Variants in EDIL3 observed in about 807,000 individuals in gnomAD.
EDIL3 encodes the protein EGF like and discoidin domains 3, also known as EGF-like repeat and discoidin I-like domain-containing protein 3.
A neutral mutation model predicts 67.4 loss-of-function variants in EDIL3; 37 were observed. The ratio of observed to expected loss-of-function variants is 0.55; its 90% CI spans 0.42 to 0.72. The LOEUF is 0.72. Ranked by LOEUF, EDIL3 falls within the 30% of genes least tolerant of loss-of-function variation. The probability of loss-of-function intolerance (pLI) is 0.00; values close to 1 mark genes in which losing one functional copy is unlikely to be tolerated. For missense variants in EDIL3, 527 were observed against 586.3 expected (o/e 0.90, Z 1.04); for synonymous variants, 195 against 196.3 (o/e 0.99, Z 0.05).
At chr5:84,324,775 A>G (rs1382300367) in intron 1 of EDIL3, among the ~76,000 whole-genome samples, 2 of 151,810 alleles carry the variant, frequency 1.3e-5, no homozygotes, top group African/African-American at 4.8e-5. Flanking sequence ...ACTATAGTTA[A>G]GAATTCTACA....
At chr5:84,177,723 G>A (rs368190908) in intron 4 of EDIL3, among the ~76,000 whole-genome samples, 5 of 152,056 alleles carry the variant, frequency 3.3e-5, no homozygotes, top group African/African-American at 4.8e-5. Context: ...ACCTAAAACT[G>A]CTGTAAAAAT....
At chr5:83,943,618 A>C (rs1417226723) in intron 10 of EDIL3, 50 bp from the exon 11 acceptor site, 2 of 1,589,418 alleles carry the variant, frequency 1.3e-6, no homozygotes, top group Non-Finnish European at 1.7e-6. Flanking sequence ...TCTTTCTTTG[A>C]AATTATTTTT....
intron 1 of EDIL3, among the ~76,000 whole-genome samples, chr5:84,305,077 A>C (rs1580067070): frequency 6.6e-6 from 1 of 152,348 alleles, no homozygotes; most frequent in South Asian, 2.1e-4. Flanking sequence ...AACTAACAGA[A>C]TAAAATCAAC....
intron 9 of EDIL3, among the ~76,000 whole-genome samples, chr5:83,993,973 C>G (rs993465303): frequency 1.3e-5 from 2 of 152,156 alleles, no homozygotes; most frequent in Non-Finnish European, 1.5e-5. Context: ...CCTTCTTATC[C>G]TGCTTCATTT....
intron 2 of EDIL3, among the ~76,000 whole-genome samples, chr5:84,248,184 C>G (rs1393457425): frequency 6.6e-6 from 1 of 152,150 alleles, no homozygotes; most frequent in Non-Finnish European, 1.5e-5. Context: ...GTGCCACAGT[C>G]AAGCTCTTTC....
intron 4 of EDIL3, among the ~76,000 whole-genome samples, chr5:84,142,284 T>C (rs1015983768): frequency 3.9e-5 from 6 of 151,998 alleles, no homozygotes; most frequent in African/African-American, 9.7e-5. Context: ...GAGAATTATA[T>C]TGAAAAATTC....
chr5:84,037,988 G>GTTTTTTTTTTTTTTTT (rs67762520), intron 9 of EDIL3, among the ~76,000 whole-genome samples: 3 of 99,748 alleles, frequency 3.0e-5, no homozygotes, highest in Admixed American at 1.1e-4. Flanking sequence ...TTTCTTTCTT[G>GTTTTTTTTTTTTTTTT]TTTTTTTTTT....
At chr5:84,383,770 G>A (rs183961839) in intron 1 of EDIL3, among the ~76,000 whole-genome samples, 8 of 152,262 alleles carry the variant, frequency 5.3e-5, no homozygotes, top group Admixed American at 3.3e-4. Context: ...CCTCACCCGC[G>A]GCCAAAACGC....
At chr5:84,106,953 T>C (rs946856698) in intron 5 of EDIL3, 123 bp from the exon 6 acceptor site, 1 of 1,033,606 alleles carries the variant, frequency 9.7e-7, no homozygotes, top group Non-Finnish European at 1.4e-6. Context: ...CTATTTACTC[T>C]TCATCCCCTT....
intron 1 of EDIL3, among the ~76,000 whole-genome samples, chr5:84,338,913 A>G (rs1342789561): frequency 7.2e-5 from 11 of 152,088 alleles, no homozygotes; most frequent in Admixed American, 7.2e-4. Flanking sequence ...AAGTCTTAAC[A>G]TTTTTATCAA....
intron 10 of EDIL3, among the ~76,000 whole-genome samples, chr5:83,955,460 T>C (rs1002855844): frequency 3.3e-5 from 5 of 151,864 alleles, no homozygotes; most frequent in South Asian, 4.1e-4. Flanking sequence ...GTTTCAAACT[T>C]TAAGGGAGTT....
chr5:84,080,989 T>G (rs989762896), intron 6 of EDIL3, among the ~76,000 whole-genome samples: 1 of 152,236 alleles, frequency 6.6e-6, no homozygotes, highest in African/African-American at 2.4e-5. Flanking sequence ...TGAATAACCA[T>G]GGGAAAAGAA....
intron 5 of EDIL3, among the ~76,000 whole-genome samples, chr5:84,119,677 T>C (rs1034821857): frequency 4.6e-5 from 7 of 152,090 alleles, no homozygotes; most frequent in Non-Finnish European, 1.0e-4. Context: ...ATTACAATTC[T>C]GAAAAGCACT....
intron 1 of EDIL3, among the ~76,000 whole-genome samples, chr5:84,355,645 C>G (rs980084706): frequency 2.0e-5 from 3 of 152,244 alleles, no homozygotes; most frequent in Non-Finnish European, 4.4e-5. Context: ...GCTGCCTGTT[C>G]CTTCCTCTGG....
At chr5:84,346,441 A>G (rs948494275) in intron 1 of EDIL3, among the ~76,000 whole-genome samples, 1 of 152,112 alleles carries the variant, frequency 6.6e-6, no homozygotes, top group Non-Finnish European at 1.5e-5. Flanking sequence ...AGATGTTCAG[A>G]TCCTAGAGTC....
chr5:84,247,375 G>C (rs1319467341), intron 2 of EDIL3, among the ~76,000 whole-genome samples: 3 of 152,030 alleles, frequency 2.0e-5, no homozygotes, highest in Non-Finnish European at 4.4e-5. Context: ...GATATTTCAT[G>C]AACACTAACA....
At chr5:84,330,794 G>C (rs1335132717) in intron 1 of EDIL3, among the ~76,000 whole-genome samples, 1 of 152,112 alleles carries the variant, frequency 6.6e-6, no homozygotes, top group Non-Finnish European at 1.5e-5. Context: ...AAATACAATA[G>C]AGAACACTGT....
At chr5:84,024,519 T>C (rs1378175081) in intron 9 of EDIL3, among the ~76,000 whole-genome samples, 1 of 152,084 alleles carries the variant, frequency 6.6e-6, no homozygotes. Context: ...CAAAACCTAG[T>C]CCTGTTGTCA....
chr5:84,086,082 T>A (rs1411019152), intron 6 of EDIL3, among the ~76,000 whole-genome samples: 1 of 152,200 alleles, frequency 6.6e-6, no homozygotes, highest in African/African-American at 2.4e-5. Context: ...CCAGTGGTTC[T>A]CAGCTTGTTG....
Sources: allele counts gnomAD v4.1 joint callset (sites outside exome capture counted in the v4.1 genomes callset), GRCh38; gene constraint gnomAD v4.1.1; transcripts MANE v1.5; gene names NCBI Gene and HGNC (gene_info 2026-07-23, HGNC 2026-07-21).